The following NHEJ1 variants were observed in gnomAD, a reference collection of about 807,000 sequenced individuals.
The protein encoded by NHEJ1 is non-homologous end-joining factor 1.
In NHEJ1, 22 loss-of-function variants were observed where a neutral mutation model predicts 39.4. That is an observed-to-expected ratio of 0.56 (90% CI 0.40 to 0.80). The LOEUF (loss-of-function observed/expected upper bound fraction) is 0.80. Among genes scored for constraint, NHEJ1 ranks in the 30% least tolerant of loss-of-function variants. The pLI, the probability that NHEJ1 is intolerant of heterozygous loss-of-function variation, is 0.00. For synonymous variants in NHEJ1, 154 were observed against 135.6 expected (o/e 1.14, Z -0.94); for missense variants, 329 against 357.1 (o/e 0.92, Z 0.63).
intron 5 of NHEJ1, among the ~76,000 whole-genome samples, chr2:219,138,000 G>A (rs887948033): frequency 3.3e-5 from 5 of 152,080 alleles, no homozygotes; most frequent in East Asian, 3.8e-4. Flanking sequence ...TTTCTAGGTC[G>A]GAGAACTGAC....
intron 5 of NHEJ1, chr2:219,095,427 A>G (rs1949199207): frequency 2.2e-6 from 1 of 455,688 alleles, no homozygotes; most frequent in Non-Finnish European, 4.6e-6. Context: ...AGTTCTTAGC[A>G]TGTGTTTCTG....
chr2:219,103,173 G>GA (rs201837950), intron 5 of NHEJ1, among the ~76,000 whole-genome samples: 3,836 of 134,252 alleles, frequency 0.029, 75 homozygotes, highest in Non-Finnish European at 0.043. Flanking sequence ...GCAAAAACGG[G>GA]AAAAAAAAAA....
intron 7 of NHEJ1, 78 bp from the exon 8 acceptor site, chr2:219,076,533 C>A: frequency 1.0e-5 from 10 of 1,004,724 alleles, no homozygotes; most frequent in Non-Finnish European, 1.5e-5. Flanking sequence ...TTCTTCCTCT[C>A]ATGGCTCCTG....
chr2:219,081,461 G>C (rs1250462409), intron 5 of NHEJ1, among the ~76,000 whole-genome samples: 1 of 152,166 alleles, frequency 6.6e-6, no homozygotes, highest in African/African-American at 2.4e-5. Context: ...GAAGAGTCAG[G>C]TCAGCCTACC....
At chr2:219,150,169 G>A (rs1390736611) in intron 3 of NHEJ1, among the ~76,000 whole-genome samples, 1 of 152,140 alleles carries the variant, frequency 6.6e-6, no homozygotes, top group African/African-American at 2.4e-5. Context: ...TTGTGCTTTG[G>A]CTCAAATTAA....
chr2:219,092,713 G>A (rs940827270), intron 5 of NHEJ1, among the ~76,000 whole-genome samples: 7 of 152,200 alleles, frequency 4.6e-5, no homozygotes, highest in Non-Finnish European at 5.9e-5. Flanking sequence ...CTCTCATTGG[G>A]TAACAGTGGA....
chr2:219,072,860 T>C lies in NHEJ1; in HGVS notation c.*3521A>G, dbSNP rs1333321576. ...ATAAACAGAGAGAGGAAAATGCTCCTAGTGACAATGTAAGGAACGAAACCA... is the reference window on the plus strand; with the variant it reads ...ATAAACAGAGAGAGGAAAATGCTCCCAGTGACAATGTAAGGAACGAAACCA... On this transcript the variant is annotated 3_prime_UTR_variant, in exon 8 of 8. Transcript: ENST00000356853. Among the ~76,000 whole-genome samples the C allele has an allele frequency of 6.6e-6, 1 of 152,182 alleles. No homozygotes were observed. The highest frequency in any genetic ancestry group is 1.5e-5 in the Non-Finnish European group (1 of 68,032).
chr2:219,076,175 G>C lies in NHEJ1; in HGVS notation c.*206C>G. On this transcript the variant is annotated 3_prime_UTR_variant, in exon 8 of 8. Coordinates refer to ENST00000356853, the MANE Select transcript of NHEJ1 (RefSeq NM_024782.3). ...CCTCCACCAAAAGAGAGGAGAGCACGGGATTCTCAGAGACTGGCTTCCACT... is the reference window on the plus strand; with the variant it reads ...CCTCCACCAAAAGAGAGGAGAGCACCGGATTCTCAGAGACTGGCTTCCACT... 1 of 1,134,322 alleles carries C rather than the reference G, an allele frequency of 8.8e-7. No homozygotes were observed. Among genetic ancestry groups the C allele is most frequent in the Non-Finnish European group, 1.2e-6 (1 of 815,500 alleles). The allele number at this position is 1,134,322 out of a possible 1,614,324, so 70.3% of individuals were successfully genotyped here. A position where few individuals can be genotyped will look rare whatever the true frequency, so the allele number is the denominator to read the frequency against.
chr2:219,127,246 T>C (rs765787064), intron 5 of NHEJ1, among the ~76,000 whole-genome samples: 2 of 152,172 alleles, frequency 1.3e-5, no homozygotes, highest in Admixed American at 6.5e-5. Context: ...GGTTCAGACG[T>C]GGCCTACTTC....
At chr2:219,106,335 G>C (rs115747512) in intron 5 of NHEJ1, among the ~76,000 whole-genome samples, 2,127 of 152,264 alleles carry the variant, frequency 0.014, 58 homozygotes, top group South Asian at 0.089. Context: ...AAAAAGGAGC[G>C]ATTAGGGGCT....
chr2:219,150,127 T>G (rs776533124), intron 3 of NHEJ1, among the ~76,000 whole-genome samples: 19 of 152,270 alleles, frequency 1.2e-4, no homozygotes, highest in African/African-American at 4.1e-4. Flanking sequence ...TCCATTCATT[T>G]TCTAGGTAAA....
intron 3 of NHEJ1, 45 bp downstream of exon 3, chr2:219,157,427 G>C (rs1215892515): frequency 6.5e-7 from 1 of 1,538,852 alleles, no homozygotes; most frequent in Non-Finnish European, 9.0e-7. Context: ...TCCTCTCAAA[G>C]CAACTGGCAT....
chr2:219,116,513 C>T (rs1949418025), intron 5 of NHEJ1, among the ~76,000 whole-genome samples: 1 of 152,116 alleles, frequency 6.6e-6, no homozygotes, highest in Admixed American at 6.5e-5. Flanking sequence ...TGCACCACCA[C>T]ACCTGGCTAA....
rs938344230 is a variant in NHEJ1 at position 219,116,924 on chromosome 2, A to G, written c.588+29756T>C. On this transcript the variant is annotated intron_variant, in intron 5 of 7. Coordinates refer to ENST00000356853, the MANE Select transcript of NHEJ1 (RefSeq NM_024782.3). ...ACTTGGAGGAGGGACAGGAAGGGCT[A>G]GGGCAAACATGTCACAGCCTGCAGT... Among the ~76,000 whole-genome samples the G allele has an allele frequency of 3.9e-5, 6 of 152,306 alleles. No individual in the cohort carries two copies. In the East Asian group the frequency reaches 7.7e-4, roughly 20 times the overall value.
chr2:219,073,377 A>AC lies in NHEJ1; in HGVS notation c.*3003dup, dbSNP rs928444649. Among the ~76,000 whole-genome samples the AC allele has an allele frequency of 5.3e-5, 8 of 152,092 alleles. No individual in the cohort carries two copies. Among genetic ancestry groups the AC allele is most frequent in the Non-Finnish European group, 1.0e-4 (7 of 68,010 alleles). ...TGCCTGGTGACAAGAGAAGAGAATG[A>AC]CCCTAGTGATATCTTTTAGGACCCA... On this transcript the variant is annotated 3_prime_UTR_variant, in exon 8 of 8. Transcript: ENST00000356853.
At chr2:219,160,180 G>A (rs750346288) in intron 1 of NHEJ1, among the ~76,000 whole-genome samples, 1 of 152,194 alleles carries the variant, frequency 6.6e-6, no homozygotes, top group Non-Finnish European at 1.5e-5. Flanking sequence ...GGTCCCTTGA[G>A]AACCTTTATC....
intron 7 of NHEJ1, 57 bp downstream of exon 7, chr2:219,077,189 T>TG (rs1340319129): frequency 7.0e-6 from 9 of 1,277,594 alleles, no homozygotes; most frequent in Non-Finnish European, 9.2e-6. Context: ...ACCACTGGCT[T>TG]GGGGGCTATA....
intron 5 of NHEJ1, among the ~76,000 whole-genome samples, chr2:219,109,449 T>C (rs1008502123): frequency 6.6e-6 from 1 of 152,138 alleles, no homozygotes; most frequent in Non-Finnish European, 1.5e-5. Context: ...AGTTTATAAG[T>C]CAGACGGGCA....
rs1170725162 is a variant in NHEJ1, at chr2:219,071,480, T to A, written c.*4901A>T. On this transcript the variant is annotated 3_prime_UTR_variant, in exon 8 of 8. Coordinates refer to ENST00000356853, the MANE Select transcript of NHEJ1 (RefSeq NM_024782.3). Reference sequence around the variant, plus strand: ...GATTATAGGATCTGATTAACCATGTTAGACAACAATGCCGAGCTGGGATGG... The same window carrying A: ...GATTATAGGATCTGATTAACCATGTAAGACAACAATGCCGAGCTGGGATGG... 1.3e-5 allele frequency among the ~76,000 whole-genome samples: 2 copies of A among 152,142 alleles called. No homozygotes were observed. Among genetic ancestry groups the A allele is most frequent in the Non-Finnish European group, 2.9e-5 (2 of 68,026 alleles).
Sources: gnomAD v4.1 joint callset for allele counts (sites outside exome capture counted in the v4.1 genomes callset) on GRCh38, gnomAD v4.1.1 for gene constraint, MANE v1.5 for transcripts, NCBI Gene and HGNC (gene_info 2026-07-23, HGNC 2026-07-21) for gene names.